The following NRBF2 variants were observed in gnomAD, a reference collection of about 807,000 sequenced individuals.
NRBF2 encodes the protein nuclear receptor-binding factor 2.
A neutral mutation model predicts 28.5 loss-of-function variants in NRBF2; 12 were observed. The ratio of observed to expected loss-of-function variants is 0.42; its 90% CI spans 0.27 to 0.68. The LOEUF (loss-of-function observed/expected upper bound fraction) is 0.68. Among genes scored for constraint, NRBF2 ranks in the 30% least tolerant of loss-of-function variants. The pLI is 0.24. For synonymous variants in NRBF2, 102 were observed against 116.5 expected (o/e 0.88, Z 0.80); for missense variants, 274 against 333.5 (o/e 0.82, Z 1.39).
rs1436913899 is a variant in NRBF2 at position 63,154,402 on chromosome 10, T to G, written c.*184T>G. On this transcript the variant is annotated 3_prime_UTR_variant, in exon 4 of 4. Transcript: ENST00000277746. ...GTCACTGTGAAATGCGCTGCGTATCTCATTCACTCACTTCAGCTAATGATT... is the reference window on the plus strand; with the variant it reads ...GTCACTGTGAAATGCGCTGCGTATCGCATTCACTCACTTCAGCTAATGATT... 2.0e-6 allele frequency: 1 copy of G among 510,206 alleles called. No individual in the cohort carries two copies. The highest frequency in any genetic ancestry group is 3.2e-5 in the East Asian group (1 of 31,486). The allele number at this position is 510,206 out of a possible 1,614,324, so 31.6% of individuals were successfully genotyped here. A position where few individuals can be genotyped will look rare whatever the true frequency, so the allele number is the denominator to read the frequency against.
At chr10:63,145,676 T>C (rs1841549944) in intron 1 of NRBF2, among the ~76,000 whole-genome samples, 1 of 152,250 alleles carries the variant, frequency 6.6e-6, no homozygotes, top group Non-Finnish European at 1.5e-5. Flanking sequence ...GTTGGTATCA[T>C]GAATTCATCA....
chr10:63,145,101 CTT>C (rs34823556), intron 1 of NRBF2, among the ~76,000 whole-genome samples: 10,286 of 84,518 alleles, frequency 0.12, 187 homozygotes, highest in East Asian at 0.28. Context: ...TATATTAAAG[CTT>C]TTTTTTTTTT....
At position 63,154,231 on chromosome 10, in the gene NRBF2, C is replaced by G; in HGVS notation, c.*13C>G. ...TATGAATAATTAAAATGGAAGGCCA[C>G]AGAAAAGGGGAAAAGAGGAAATAAT... On this transcript the variant is annotated 3_prime_UTR_variant, in exon 4 of 4. Transcript: ENST00000277746. 2 of 1,470,796 alleles carry G rather than the reference C, an allele frequency of 1.4e-6. No individual in the cohort carries two copies. Among genetic ancestry groups the G allele is most frequent in the Non-Finnish European group, 1.9e-6 (2 of 1,069,064 alleles). 91.1% of individuals were successfully genotyped at this position (1,470,796 alleles called of 1,614,324 possible).
chr10:63,133,692 C>T (rs1311574745), intron 1 of NRBF2, among the ~76,000 whole-genome samples, 192 bp downstream of exon 1: 1 of 152,172 alleles, frequency 6.6e-6, no homozygotes, highest in East Asian at 1.9e-4. Context: ...CAGACTTTGC[C>T]CTCCTGGGGG....
intron 1 of NRBF2, among the ~76,000 whole-genome samples, chr10:63,134,931 T>C (rs1841352389): frequency 6.6e-6 from 1 of 152,194 alleles, no homozygotes; most frequent in South Asian, 2.1e-4. Context: ...CTCACGCCTG[T>C]AATCCCAGCA....
chr10:63,146,122 T>C (rs1841556640), intron 1 of NRBF2, 87 bp from the exon 2 acceptor site: 1 of 989,302 alleles, frequency 1.0e-6, no homozygotes, highest in African/African-American at 1.6e-5. Context: ...AACAGTATTA[T>C]TTATCTTCTT....
intron 1 of NRBF2, among the ~76,000 whole-genome samples, chr10:63,140,459 A>G (rs1239740848): frequency 2.6e-5 from 4 of 152,116 alleles, no homozygotes; most frequent in Non-Finnish European, 4.4e-5. Flanking sequence ...CCTCTGTCCC[A>G]CAGACTAGAG....
intron 1 of NRBF2, among the ~76,000 whole-genome samples, chr10:63,139,618 C>T (rs1191064771): frequency 6.6e-6 from 1 of 152,166 alleles, no homozygotes; most frequent in Non-Finnish European, 1.5e-5. Context: ...TATAATGTAG[C>T]TTGGTTTATG....
At chr10:63,151,491 A>G (rs1340533335) in intron 2 of NRBF2, among the ~76,000 whole-genome samples, 1 of 152,204 alleles carries the variant, frequency 6.6e-6, no homozygotes, top group Admixed American at 6.5e-5. Flanking sequence ...ATATTTTTTT[A>G]AGAACTTGAC....
intron 3 of NRBF2, among the ~76,000 whole-genome samples, chr10:63,153,189 C>T (rs1340250975): frequency 6.6e-6 from 1 of 152,144 alleles, no homozygotes; most frequent in Non-Finnish European, 1.5e-5. Flanking sequence ...TACAGGCATG[C>T]ATTGAGTTAT....
chr10:63,150,069 G>T (rs1042828072), intron 2 of NRBF2, among the ~76,000 whole-genome samples: 1 of 151,066 alleles, frequency 6.6e-6, no homozygotes, highest in Non-Finnish European at 1.5e-5. Context: ...AGCTTCCCTA[G>T]TAGCTGGGAT....
chr10:63,143,426 A>G (rs1188356755), intron 1 of NRBF2, among the ~76,000 whole-genome samples: 1 of 152,206 alleles, frequency 6.6e-6, no homozygotes, highest in Non-Finnish European at 1.5e-5. Context: ...AAAAGCATCC[A>G]AGACAAATCA....
At chr10:63,134,439 A>C (rs934267350) in intron 1 of NRBF2, among the ~76,000 whole-genome samples, 1 of 152,252 alleles carries the variant, frequency 6.6e-6, no homozygotes, top group Admixed American at 6.5e-5. Context: ...AGCTCTATAG[A>C]GGATTCTTTT....
At chr10:63,145,766 T>C (rs936409704) in intron 1 of NRBF2, among the ~76,000 whole-genome samples, 1 of 152,256 alleles carries the variant, frequency 6.6e-6, no homozygotes, top group Non-Finnish European at 1.5e-5. Flanking sequence ...AAGAGAAGCT[T>C]GGATTTTACT....
intron 2 of NRBF2, chr10:63,150,334 G>A: frequency 1.0e-6 from 1 of 974,700 alleles, no homozygotes; most frequent in Non-Finnish European, 1.2e-6. Context: ...AAAGACAAGG[G>A]TTGTGGGAAG....
At chr10:63,138,278 A>T (rs144277321) in intron 1 of NRBF2, among the ~76,000 whole-genome samples, 5 of 151,862 alleles carry the variant, frequency 3.3e-5, no homozygotes, top group Admixed American at 2.6e-4. Context: ...ACGCCCTTGC[A>T]CTCCAGCCTG....
intron 2 of NRBF2, among the ~76,000 whole-genome samples, chr10:63,149,857 A>T (rs1486303590): frequency 6.6e-6 from 1 of 152,214 alleles, no homozygotes; most frequent in Admixed American, 6.5e-5. Flanking sequence ...AGACAAATAT[A>T]TGCAGGCAAG....
intron 2 of NRBF2, among the ~76,000 whole-genome samples, chr10:63,150,114 G>GT (rs1841624178): frequency 6.8e-6 from 1 of 146,420 alleles, no homozygotes; most frequent in East Asian, 2.0e-4. Context: ...GCTAATTTTT[G>GT]TATTTTTTTT....
chr10:63,142,393 G>A (rs1267596518), intron 1 of NRBF2, among the ~76,000 whole-genome samples: 1 of 147,214 alleles, frequency 6.8e-6, no homozygotes, highest in East Asian at 2.2e-4. Context: ...AACCTCTGCC[G>A]CCCTGGTCCA....
Sources: allele counts gnomAD v4.1 joint callset (sites outside exome capture counted in the v4.1 genomes callset), GRCh38; gene constraint gnomAD v4.1.1; transcripts MANE v1.5; gene names NCBI Gene and HGNC (gene_info 2026-07-23, HGNC 2026-07-21).